The following EFCAB6 variants were observed in gnomAD, a reference collection of about 807,000 sequenced individuals.
EFCAB6 encodes EF-hand calcium binding domain 6, also known as EF-hand calcium-binding domain-containing protein 6.
Under a neutral mutation model 169.8 loss-of-function variants are expected in EFCAB6, and 156 were observed. That is an observed-to-expected ratio of 0.92 (90% CI 0.81 to 1.05). The LOEUF is 1.05. EFCAB6 is among the 50% of genes least tolerant of loss of function. The probability of loss-of-function intolerance (pLI) is 0.00; values close to 1 mark genes in which losing one functional copy is unlikely to be tolerated. For missense variants in EFCAB6, 1,800 were observed against 1,829.1 expected, an observed-to-expected ratio of 0.98 and a Z score of 0.29; for synonymous variants, 698 against 676.4, an observed-to-expected ratio of 1.03 and a Z score of -0.50.
At chr22:43,728,414 T>C (rs967701386) in intron 8 of EFCAB6, among the ~76,000 whole-genome samples, 2 of 152,220 alleles carry the variant, frequency 1.3e-5, no homozygotes, top group African/African-American at 4.8e-5. Context: ...TATAATCTTT[T>C]GGGTATATAC....
intron 2 of EFCAB6, 96 bp from the exon 3 acceptor site, chr22:43,782,421 G>T: frequency 9.5e-7 from 1 of 1,056,146 alleles, no homozygotes; most frequent in Non-Finnish European, 1.4e-6. Context: ...AGGGACAGCT[G>T]CAGAGTGTAA....
chr22:43,627,215 C>T (rs888498531), intron 19 of EFCAB6, among the ~76,000 whole-genome samples: 21 of 152,170 alleles, frequency 1.4e-4, no homozygotes, highest in Non-Finnish European at 2.8e-4. Context: ...TCCACTCAGC[C>T]CATCGTGCTG....
chr22:43,576,681 G>GAGCTT (rs571583385), intron 25 of EFCAB6, among the ~76,000 whole-genome samples, 193 bp from the exon 26 acceptor site: 15 of 152,264 alleles, frequency 9.9e-5, no homozygotes, highest in Admixed American at 9.8e-4. Flanking sequence ...CGCAGTATGG[G>GAGCTT]AGCTTATGAG....
At chr22:43,635,284 C>T (rs1278438110) in intron 17 of EFCAB6, 68 bp from the exon 18 acceptor site, 2 of 1,120,222 alleles carry the variant, frequency 1.8e-6, no homozygotes, top group African/African-American at 3.1e-5. Flanking sequence ...CCCAGAGCAC[C>T]TCCTGCCCCT....
rs184108758 is a variant in EFCAB6 at position 43,723,884 on chromosome 22, G to A, written c.758-6912C>T. 9.5e-4 allele frequency among the ~76,000 whole-genome samples: 144 copies of A among 152,158 alleles called. 1 individual carries two copies. The highest frequency in any genetic ancestry group is 2.6e-3 in the Admixed American group (39 of 15,286). ...GATGGCCCTGGGCAGCAAGCCCATC[G>A]AGCAGGCTTTTTAGGGTAATTGCCA... On this transcript the variant is annotated intron_variant, in intron 8 of 31. Coordinates refer to ENST00000262726, the MANE Select transcript of EFCAB6 (RefSeq NM_022785.4).
intron 8 of EFCAB6, among the ~76,000 whole-genome samples, chr22:43,725,555 C>T (rs905060925): frequency 3.3e-5 from 5 of 152,310 alleles, no homozygotes; most frequent in Admixed American, 2.6e-4. Flanking sequence ...AAAACTGTTA[C>T]ATTGGGGATT....
rs368981389 is a variant in EFCAB6 at position 43,643,602 on chromosome 22, G to A, written c.1984-8386C>T. On this transcript the variant is annotated intron_variant, in intron 17 of 31. Transcript: ENST00000262726. ...TCTGGCTGTACAAACAGCACATGATGCTGCTTCCTTTTGCACAGGCTCCTC... is the reference window on the plus strand; with the variant it reads ...TCTGGCTGTACAAACAGCACATGATACTGCTTCCTTTTGCACAGGCTCCTC... Among the ~76,000 whole-genome samples the A allele has an allele frequency of 2.6e-5, 4 of 152,356 alleles. 1 individual carries two copies. Among genetic ancestry groups the A allele is most frequent in the Non-Finnish European group, 2.9e-5 (2 of 68,040 alleles).
intron 3 of EFCAB6, among the ~76,000 whole-genome samples, chr22:43,777,987 T>C (rs2061693664): frequency 6.6e-6 from 1 of 152,146 alleles, no homozygotes; most frequent in South Asian, 2.1e-4. Flanking sequence ...ACTGTCACTG[T>C]CACCCTAACA....
intron 2 of EFCAB6, among the ~76,000 whole-genome samples, chr22:43,786,360 A>G (rs773190879): frequency 1.3e-5 from 2 of 152,152 alleles, no homozygotes; most frequent in Non-Finnish European, 2.9e-5. Flanking sequence ...AAATAGAAGA[A>G]AAAACATTTC....
chr22:43,711,302 G>A (rs1159074978), intron 10 of EFCAB6, among the ~76,000 whole-genome samples, 173 bp downstream of exon 10: 1 of 152,112 alleles, frequency 6.6e-6, no homozygotes, highest in East Asian at 1.9e-4. Flanking sequence ...TGTTGAAGCT[G>A]GGTAGTGGGT....
rs181590848 is a variant in EFCAB6, at chr22:43,702,304, C to T, written c.1031+9171G>A. ...GAAGTCAGCAAGATGACAGAATTGT[C>T]GGTCGCAGGCTCCACTACTCCCTCA... On this transcript the variant is annotated intron_variant, in intron 10 of 31. Coordinates refer to ENST00000262726, the MANE Select transcript of EFCAB6 (RefSeq NM_022785.4). Among the ~76,000 whole-genome samples the T allele has an allele frequency of 4.2e-4, 64 of 152,252 alleles. No homozygotes were observed. In the East Asian group the frequency reaches 0.01, roughly 25 times the overall value.
At chr22:43,542,564 A>G (rs757605955) in intron 27 of EFCAB6, among the ~76,000 whole-genome samples, 7 of 152,132 alleles carry the variant, frequency 4.6e-5, no homozygotes, top group Non-Finnish European at 8.8e-5. Context: ...TGGGCAAAAG[A>G]GCAAGACTCC....
chr22:43,707,358 G>T (rs1462987297), intron 10 of EFCAB6, among the ~76,000 whole-genome samples: 1 of 152,194 alleles, frequency 6.6e-6, no homozygotes, highest in Non-Finnish European at 1.5e-5. Flanking sequence ...TGAGAATGGG[G>T]TGGAGACAAT....
chr22:43,544,608 C>T (rs978093725), intron 27 of EFCAB6, among the ~76,000 whole-genome samples: 1 of 152,102 alleles, frequency 6.6e-6, no homozygotes, highest in African/African-American at 2.4e-5. Flanking sequence ...TCTGGAAAAG[C>T]CTCCTGGTGG....
chr22:43,796,275 C>T (rs1435998498), intron 2 of EFCAB6, among the ~76,000 whole-genome samples: 1 of 152,144 alleles, frequency 6.6e-6, no homozygotes, highest in Non-Finnish European at 1.5e-5. Flanking sequence ...ACTATTAATG[C>T]CGTGGGAGCC....
chr22:43,752,466 A>G (rs1229704263), intron 6 of EFCAB6, among the ~76,000 whole-genome samples: 1 of 152,152 alleles, frequency 6.6e-6, no homozygotes, highest in Non-Finnish European at 1.5e-5. Context: ...TTTTGTTCAG[A>G]CATCCGCCCT....
At chr22:43,755,948 G>A (rs1291801228) in intron 5 of EFCAB6, 116 bp from the exon 6 acceptor site, 1 of 1,042,426 alleles carries the variant, frequency 9.6e-7, no homozygotes, top group East Asian at 2.8e-5. Context: ...AAAATGCAAG[G>A]TATTTCTTAC....
chr22:43,776,707 GT>G (rs548677192), intron 3 of EFCAB6, among the ~76,000 whole-genome samples: 1 of 152,332 alleles, frequency 6.6e-6, no homozygotes, highest in South Asian at 2.1e-4. Context: ...GGAGTGGACG[GT>G]GTGGCACATA....
intron 2 of EFCAB6, among the ~76,000 whole-genome samples, chr22:43,782,780 A>G (rs1264220380): frequency 6.6e-6 from 1 of 152,210 alleles, no homozygotes; most frequent in African/African-American, 2.4e-5. Flanking sequence ...GGACACTGGG[A>G]AAAATTGTTG....
Sources: gnomAD v4.1 joint callset for allele counts (sites outside exome capture counted in the v4.1 genomes callset) on GRCh38, gnomAD v4.1.1 for gene constraint, MANE v1.5 for transcripts, NCBI Gene and HGNC (gene_info 2026-07-23, HGNC 2026-07-21) for gene names.